GRIK2: variants seen among roughly 807,000 people sequenced by gnomAD.
The protein encoded by GRIK2 is glutamate ionotropic receptor kainate type subunit 2, also known as glutamate receptor ionotropic, kainate 2.
Under a neutral mutation model 100.3 loss-of-function variants are expected in GRIK2, and 32 were observed. The ratio of observed to expected loss-of-function variants is 0.32; its 90% CI spans 0.24 to 0.43. The LOEUF (loss-of-function observed/expected upper bound fraction) is 0.43, where lower values mean the gene tolerates loss of function less well. Among genes scored for constraint, GRIK2 ranks in the 20% least tolerant of loss-of-function variants. The pLI is 1.00. For synonymous variants in GRIK2, 417 were observed against 389.4 expected (o/e 1.07, Z -0.83); for missense variants, 843 against 1,114.9 (o/e 0.76, Z 3.47).
At chr6:101,429,107 A>C (rs1017384020) in intron 2 of GRIK2, among the ~76,000 whole-genome samples, 3 of 152,200 alleles carry the variant, frequency 2.0e-5, no homozygotes, top group Non-Finnish European at 4.4e-5. Context: ...GGAATAGCAA[A>C]GTCATAGTGA....
At chr6:101,756,320 T>G (rs1777132175) in intron 7 of GRIK2, among the ~76,000 whole-genome samples, 2 of 120,012 alleles carry the variant, frequency 1.7e-5, no homozygotes, top group Admixed American at 8.3e-5. Flanking sequence ...TGGCTTTCCC[T>G]CCACTGTCCT....
rs771025209 is a variant in GRIK2 at position 101,982,277 on chromosome 6, G to A, written c.2086-53064G>A. ...TGTAATTTTCATGTCTGTCTCCCATGTCTTTCTCTAATTACTTCATTACCT... is the reference window on the plus strand; with the variant it reads ...TGTAATTTTCATGTCTGTCTCCCATATCTTTCTCTAATTACTTCATTACCT... On this transcript the variant is annotated intron_variant, in intron 14 of 16. Transcript: ENST00000369134. 1.2e-4 allele frequency among the ~76,000 whole-genome samples: 18 copies of A among 151,830 alleles called. No individual in the cohort carries two copies. The South Asian group carries it at 1.7e-3, about 14-fold the overall frequency.
At chr6:101,805,449 A>G (rs1298378163) in intron 9 of GRIK2, among the ~76,000 whole-genome samples, 1 of 152,056 alleles carries the variant, frequency 6.6e-6, no homozygotes, top group African/African-American at 2.4e-5. Context: ...TTAAAATTTA[A>G]CAATTATGTT....
At chr6:101,512,746 G>A (rs749119804) in intron 2 of GRIK2, among the ~76,000 whole-genome samples, 63 of 151,552 alleles carry the variant, frequency 4.2e-4, no homozygotes, top group African/African-American at 1.0e-3. Context: ...CATAAATGGC[G>A]TTTATGATCA....
chr6:101,440,553 A>G (rs1239384039), intron 2 of GRIK2, among the ~76,000 whole-genome samples: 1 of 152,202 alleles, frequency 6.6e-6, no homozygotes, highest in Admixed American at 6.6e-5. Context: ...TATTATGCCC[A>G]GTTGGAAGTA....
intron 5 of GRIK2, among the ~76,000 whole-genome samples, chr6:101,682,092 T>C (rs1194882347): frequency 1.3e-5 from 2 of 152,234 alleles, no homozygotes; most frequent in Non-Finnish European, 2.9e-5. Flanking sequence ...ATTTCCTTCA[T>C]TAATGCTATG....
intron 2 of GRIK2, among the ~76,000 whole-genome samples, chr6:101,401,396 GCACACACATACA>G (rs1775298958): frequency 6.6e-6 from 1 of 151,736 alleles, no homozygotes; most frequent in Admixed American, 6.6e-5. Context: ...GCACACACAC[GCACACACATACA>G]CACACACAAA....
At chr6:101,439,521 C>G (rs1769928460) in intron 2 of GRIK2, among the ~76,000 whole-genome samples, 2 of 152,038 alleles carry the variant, frequency 1.3e-5, no homozygotes. Flanking sequence ...ACTAGGTTAC[C>G]CAAATTCACA....
intron 2 of GRIK2, among the ~76,000 whole-genome samples, chr6:101,469,520 T>G (rs967298285): frequency 6.6e-6 from 1 of 152,210 alleles, no homozygotes; most frequent in Non-Finnish European, 1.5e-5. Flanking sequence ...ATTTACTTGT[T>G]TTCTAATGTT....
chr6:102,012,913 T>A, intron 14 of GRIK2, among the ~76,000 whole-genome samples: 1 of 152,180 alleles, frequency 6.6e-6, no homozygotes, highest in Admixed American at 6.5e-5. Flanking sequence ...CCTTGACTAT[T>A]CAAGCTCTTT....
chr6:101,420,791 G>C lies in GRIK2; in HGVS notation c.115+21399G>C, dbSNP rs185091814. ...CTTTACTGGCAAAGTTCCACGATGT[G>C]CAAATATGAAGGTTTTTTTAGAGGT... On this transcript the variant is annotated intron_variant, in intron 2 of 16. Transcript: ENST00000369134. 2.8e-3 allele frequency among the ~76,000 whole-genome samples: 421 copies of C among 152,276 alleles called. 3 individuals carry two copies. The highest frequency in any genetic ancestry group is 9.8e-3 in the African/African-American group (407 of 41,560).
intron 2 of GRIK2, among the ~76,000 whole-genome samples, chr6:101,432,622 A>G (rs1013886188): frequency 6.6e-6 from 1 of 152,124 alleles, no homozygotes; most frequent in Non-Finnish European, 1.5e-5. Context: ...GTGCACTTCT[A>G]TTTTGTCTTT....
chr6:101,604,899 A>G (rs1479597568), intron 2 of GRIK2, among the ~76,000 whole-genome samples: 4 of 151,966 alleles, frequency 2.6e-5, no homozygotes, highest in African/African-American at 7.2e-5. Flanking sequence ...TGAATCTTCA[A>G]ATTTAAAATA....
intron 9 of GRIK2, among the ~76,000 whole-genome samples, chr6:101,804,895 G>A (rs897045741): frequency 6.6e-6 from 1 of 151,796 alleles, no homozygotes; most frequent in Non-Finnish European, 1.5e-5. Context: ...TGACTTAGAA[G>A]GAACAAAATG....
chr6:101,707,842 TA>T (rs2128357085), intron 7 of GRIK2, among the ~76,000 whole-genome samples: 1 of 151,736 alleles, frequency 6.6e-6, no homozygotes, highest in East Asian at 1.9e-4. Flanking sequence ...AATTCATTGT[TA>T]TTTTTCGTTA....
chr6:101,664,189 C>A (rs959334998), intron 4 of GRIK2, among the ~76,000 whole-genome samples: 1 of 152,176 alleles, frequency 6.6e-6, no homozygotes, highest in Non-Finnish European at 1.5e-5. Flanking sequence ...ACAAATACAA[C>A]TGCTTTTTCA....
intron 2 of GRIK2, among the ~76,000 whole-genome samples, chr6:101,464,225 T>TGG (rs1771491364): frequency 6.6e-6 from 1 of 152,124 alleles, no homozygotes; most frequent in Admixed American, 6.5e-5. Flanking sequence ...GCAGAATATC[T>TGG]GGAAGATTAG....
At chr6:102,059,363 G>A (rs1198055131) in intron 16 of GRIK2, among the ~76,000 whole-genome samples, 1 of 151,000 alleles carries the variant, frequency 6.6e-6, no homozygotes, top group Admixed American at 6.6e-5. Flanking sequence ...TGTCTGAAAA[G>A]GTAACTAATC....
At chr6:101,404,870 A>T (rs1775513971) in intron 2 of GRIK2, among the ~76,000 whole-genome samples, 1 of 152,220 alleles carries the variant, frequency 6.6e-6, no homozygotes, top group African/African-American at 2.4e-5. Context: ...GGTGCACATC[A>T]TCATTATTGA....
Sources: allele counts gnomAD v4.1 joint callset (sites outside exome capture counted in the v4.1 genomes callset), GRCh38; gene constraint gnomAD v4.1.1; transcripts MANE v1.5; gene names NCBI Gene and HGNC (gene_info 2026-07-23, HGNC 2026-07-21).